Variants in EEPD1 observed in about 807,000 individuals in gnomAD.
EEPD1 encodes endonuclease/exonuclease/phosphatase family domain-containing protein 1.
A neutral mutation model predicts 46.3 loss-of-function variants in EEPD1; 17 were observed. That is an observed-to-expected ratio of 0.37 (90% confidence interval 0.25 to 0.55). The LOEUF is 0.55. Ranked by LOEUF, EEPD1 falls within the 20% of genes least tolerant of loss-of-function variation. The pLI, the probability that EEPD1 is intolerant of heterozygous loss-of-function variation, is 0.83. For synonymous variants in EEPD1, 313 were observed against 315.6 expected, an observed-to-expected ratio of 0.99 and a Z score of 0.09; for missense variants, 673 against 745.6, an observed-to-expected ratio of 0.90 and a Z score of 1.13.
intron 2 of EEPD1, among the ~76,000 whole-genome samples, chr7:36,194,592 T>C (rs1336630377): frequency 6.6e-6 from 1 of 152,160 alleles, no homozygotes. Context: ...TGAACATTCA[T>C]CTCAGATCTT....
chr7:36,281,054 C>T (rs1199075951), intron 3 of EEPD1, 61 bp from the exon 4 acceptor site: 28 of 1,474,320 alleles, frequency 1.9e-5, no homozygotes, highest in East Asian at 4.6e-5. Flanking sequence ...CTCAGGCCGC[C>T]GCCAGCCGGG....
chr7:36,232,937 G>C (rs1396659526), intron 2 of EEPD1, among the ~76,000 whole-genome samples: 2 of 152,120 alleles, frequency 1.3e-5, no homozygotes, highest in African/African-American at 4.8e-5. Context: ...TTAGTGAATA[G>C]TAGGGAGAAA....
intron 2 of EEPD1, among the ~76,000 whole-genome samples, chr7:36,171,781 C>T (rs930151212): frequency 2.6e-5 from 4 of 152,202 alleles, no homozygotes; most frequent in Non-Finnish European, 5.9e-5. Flanking sequence ...TAATTGTAAG[C>T]TCTTCTCTGT....
intron 2 of EEPD1, among the ~76,000 whole-genome samples, chr7:36,232,201 GTTTTGT>G (rs1169378129): frequency 7.2e-6 from 1 of 138,242 alleles, no homozygotes; most frequent in Admixed American, 7.3e-5. Context: ...GTTTTGTTTT[GTTTTGT>G]TTTTGTTTTT....
At chr7:36,298,635 C>T (rs989706898) in intron 7 of EEPD1, among the ~76,000 whole-genome samples, 1 of 152,116 alleles carries the variant, frequency 6.6e-6, no homozygotes, top group Admixed American at 6.5e-5. Context: ...CTTTGCAAAA[C>T]TGGACCTTTG....
chr7:36,227,676 T>C (rs1029217451), intron 2 of EEPD1, among the ~76,000 whole-genome samples: 3 of 152,094 alleles, frequency 2.0e-5, no homozygotes, highest in African/African-American at 7.2e-5. Flanking sequence ...CCCAGCACTT[T>C]GGGTTTTTTT....
At chr7:36,226,496 A>G (rs77573022) in intron 2 of EEPD1, among the ~76,000 whole-genome samples, 1 of 152,298 alleles carries the variant, frequency 6.6e-6, no homozygotes, top group East Asian at 1.9e-4. Flanking sequence ...TTAATATGAA[A>G]AACTTAAAGT....
At chr7:36,244,498 A>G (rs1245000259) in intron 3 of EEPD1, among the ~76,000 whole-genome samples, 1 of 152,186 alleles carries the variant, frequency 6.6e-6, no homozygotes, top group Non-Finnish European at 1.5e-5. Flanking sequence ...ATGACCAGCC[A>G]TTTGCCTAAA....
chr7:36,228,181 T>A (rs538966279), intron 2 of EEPD1, among the ~76,000 whole-genome samples: 1 of 152,290 alleles, frequency 6.6e-6, no homozygotes, highest in African/African-American at 2.4e-5. Flanking sequence ...TCTGGATTGA[T>A]GCCATTTGTG....
chr7:36,190,937 T>A (rs901744618), intron 2 of EEPD1, among the ~76,000 whole-genome samples: 1 of 152,192 alleles, frequency 6.6e-6, no homozygotes, highest in African/African-American at 2.4e-5. Context: ...CTCATTTTGG[T>A]CTCTTGCAGG....
At chr7:36,178,193 A>C (rs1785216462) in intron 2 of EEPD1, among the ~76,000 whole-genome samples, 1 of 151,888 alleles carries the variant, frequency 6.6e-6, no homozygotes, top group Admixed American at 6.6e-5. Flanking sequence ...CTTGCACCAC[A>C]CCTGGCTCCT....
chr7:36,288,618 C>T (rs1217024710), intron 6 of EEPD1, among the ~76,000 whole-genome samples: 3 of 151,990 alleles, frequency 2.0e-5, no homozygotes, highest in Admixed American at 6.5e-5. Context: ...AAAAATTAGC[C>T]GGGCATGGTG....
At chr7:36,168,275 A>G (rs1785019394) in intron 2 of EEPD1, among the ~76,000 whole-genome samples, 2 of 152,226 alleles carry the variant, frequency 1.3e-5, no homozygotes, top group African/African-American at 4.8e-5. Flanking sequence ...CATTAAGTGA[A>G]TGCTCACACT....
intron 3 of EEPD1, among the ~76,000 whole-genome samples, chr7:36,244,343 T>C (rs921546702): frequency 2.6e-5 from 4 of 152,136 alleles, no homozygotes; most frequent in African/African-American, 9.7e-5. Context: ...TAGATTAAAT[T>C]TGAACAATAA....
chr7:36,154,807 C>G lies in EEPD1; in HGVS notation c.483C>G (p.Ile161Met), dbSNP rs765245416. 1 of 1,614,202 alleles carries G rather than the reference C, an allele frequency of 6.2e-7. No homozygotes were observed. Among genetic ancestry groups the G allele is most frequent in the Non-Finnish European group, 8.5e-7 (1 of 1,180,036 alleles). Residue 161 changes from isoleucine (I) to methionine (M), a missense_variant, in exon 2 of 8, where the codon ATC becomes ATG. By Grantham distance (10) the Ile-to-Met change is conservative (BLOSUM62 1). Coordinates refer to ENST00000242108, the MANE Select transcript of EEPD1 (RefSeq NM_030636.3). The surrounding 1 kb of genome is among the most constrained non-coding windows in gnomAD (Gnocchi z 4.2). ...TCTCGGAGAAAATGGCCCTCAGCATCGTGGACTTCCGCCGTGAGCATGGGC... is the reference window on the plus strand; with the variant it reads ...TCTCGGAGAAAATGGCCCTCAGCATGGTGGACTTCCGCCGTGAGCATGGGC... ...RGLSEKMALS[I>M]VDFRREHGPF... is the part of the protein sequence containing the mutation.
chr7:36,213,307 G>T (rs9785001), intron 2 of EEPD1, among the ~76,000 whole-genome samples: 5,934 of 152,250 alleles, frequency 0.039, 386 homozygotes, highest in African/African-American at 0.14. Flanking sequence ...GGGGAATGGG[G>T]GCGTTCAAGA....
chr7:36,189,423 G>C (rs1389766673), intron 2 of EEPD1, among the ~76,000 whole-genome samples: 2 of 152,178 alleles, frequency 1.3e-5, no homozygotes, highest in Non-Finnish European at 2.9e-5. Context: ...TATTAAATGA[G>C]CAAAAATTGT....
chr7:36,218,589 C>T (rs1414921042), intron 2 of EEPD1, among the ~76,000 whole-genome samples: 2 of 152,150 alleles, frequency 1.3e-5, no homozygotes, highest in Non-Finnish European at 1.5e-5. Context: ...GGAGGGTTCA[C>T]ATCCCTGGTG....
intron 3 of EEPD1, among the ~76,000 whole-genome samples, chr7:36,276,085 G>A (rs1787178813): frequency 6.6e-6 from 1 of 152,200 alleles, no homozygotes; most frequent in South Asian, 2.1e-4. Flanking sequence ...ACTCCATCTT[G>A]AATAGGGGCT....
Sources: allele counts gnomAD v4.1 joint callset (sites outside exome capture counted in the v4.1 genomes callset), GRCh38; gene constraint gnomAD v4.1.1; non-coding constraint Gnocchi (gnomAD v3.1); transcripts MANE v1.5; gene names NCBI Gene and HGNC (gene_info 2026-07-23, HGNC 2026-07-21).